The following SPTLC2 variants were observed in gnomAD, a reference collection of about 807,000 sequenced individuals.
SPTLC2 encodes serine palmitoyltransferase long chain base subunit 2.
SPTLC2 carries 21 observed loss-of-function variants against 62.0 expected under a neutral mutation model. The observed-to-expected ratio is 0.34, with a 90% CI of 0.24 to 0.49. The LOEUF is 0.49. Ranked by LOEUF, SPTLC2 falls within the 20% of genes least tolerant of loss-of-function variation. The pLI is 0.99. For missense variants in SPTLC2, 511 were observed against 713.0 expected (o/e 0.72, Z 3.23); for synonymous variants, 261 against 261.8 (o/e 1.00, Z 0.03).
intron 9 of SPTLC2, among the ~76,000 whole-genome samples, chr14:77,549,690 T>C (rs2079546266): frequency 6.6e-6 from 1 of 152,224 alleles, no homozygotes; most frequent in Non-Finnish European, 1.5e-5. Flanking sequence ...CATAATCAGA[T>C]GGCTGTTGTG....
Position 77,544,727 on chromosome 14 carries a change from C to T in SPTLC2, c.1303+7369G>A, listed in dbSNP as rs28709464. Among the ~76,000 whole-genome samples, 1,466 of 152,278 alleles carry T rather than the reference C, an allele frequency of 9.6e-3. 25 individuals carry two copies. Among genetic ancestry groups the T allele is most frequent in the African/African-American group, 0.033 (1,389 of 41,534 alleles). On this transcript the variant is annotated intron_variant, in intron 9 of 11. Transcript: ENST00000216484. ...CTTGAGTCAGGCTCCTCTTGGAGTC[C>T]TTTCTGATAAAGTCCTGACGTTGCG...
intron 5 of SPTLC2, among the ~76,000 whole-genome samples, chr14:77,564,236 G>GAA (rs3080470): frequency 0.48 from 53,180 of 110,562 alleles, 15,929 homozygotes; most frequent in East Asian, 0.85. Flanking sequence ...TGTCTGGGGG[G>GAA]AAAAAAAAAA....
At chr14:77,573,698 G>T (rs1319916143) in intron 4 of SPTLC2, among the ~76,000 whole-genome samples, 2 of 151,918 alleles carry the variant, frequency 1.3e-5, no homozygotes, top group Non-Finnish European at 2.9e-5. Flanking sequence ...TGTGATCTCG[G>T]CTCACTGCAA....
intron 2 of SPTLC2, among the ~76,000 whole-genome samples, chr14:77,585,808 C>A (rs1595005949): frequency 6.6e-6 from 1 of 152,306 alleles, no homozygotes. Context: ...TCACAGATTA[C>A]TTTTAAATGC....
At chr14:77,603,615 T>C (rs1016711595) in intron 1 of SPTLC2, among the ~76,000 whole-genome samples, 4 of 152,198 alleles carry the variant, frequency 2.6e-5, no homozygotes, top group African/African-American at 9.7e-5. Flanking sequence ...AATTCCTTAG[T>C]TTTTGTCAGT....
intron 2 of SPTLC2, among the ~76,000 whole-genome samples, chr14:77,580,896 A>C (rs1291443055): frequency 6.6e-6 from 1 of 152,218 alleles, no homozygotes; most frequent in Non-Finnish European, 1.5e-5. Flanking sequence ...ACATTCCCAA[A>C]ATGAATTCCT....
intron 2 of SPTLC2, among the ~76,000 whole-genome samples, chr14:77,593,346 T>C (rs1356968684): frequency 6.6e-6 from 1 of 152,208 alleles, no homozygotes; most frequent in Non-Finnish European, 1.5e-5. Flanking sequence ...TTTCATTATG[T>C]TGTGTCAGCT....
intron 9 of SPTLC2, among the ~76,000 whole-genome samples, chr14:77,541,026 T>G (rs1297594808): frequency 6.6e-6 from 1 of 151,496 alleles, no homozygotes; most frequent in Non-Finnish European, 1.5e-5. Flanking sequence ...TTTATTTATT[T>G]ATTTATTTAT....
At chr14:77,531,507 C>T (rs11849670) in intron 9 of SPTLC2, among the ~76,000 whole-genome samples, 29,140 of 65,206 alleles carry the variant, frequency 0.45, 7,577 homozygotes, top group Middle Eastern at 0.67. Context: ...CCTCCTCCTC[C>T]TCTTCTTCTT....
At chr14:77,606,587 T>C (rs2079906664) in intron 1 of SPTLC2, among the ~76,000 whole-genome samples, 1 of 152,142 alleles carries the variant, frequency 6.6e-6, no homozygotes, top group Non-Finnish European at 1.5e-5. Context: ...AAGTCTCTTC[T>C]AGGAATCCAA....
chr14:77,585,438 C>T (rs1048042513), intron 2 of SPTLC2, among the ~76,000 whole-genome samples: 13 of 152,152 alleles, frequency 8.5e-5, no homozygotes, highest in African/African-American at 3.1e-4. Context: ...AATGTCAGTT[C>T]TAATTTAATA....
rs1278719510 is a variant in SPTLC2 at position 77,507,240 on chromosome 14, G to A, written c.*5044C>T. On this transcript the variant is annotated 3_prime_UTR_variant, in exon 12 of 12. Transcript: ENST00000216484. ...TTAAAAGCAAAGGGATCATTGGCTA[G>A]CACTAGCATTTATTCTGTGTGATAG... 1 of 152,040 alleles carries A rather than the reference G, an allele frequency of 6.6e-6. No individual in the cohort carries two copies. The highest frequency in any genetic ancestry group is 1.5e-5 in the Non-Finnish European group (1 of 68,034). The allele number at this position is 152,040 out of a possible 1,614,324, so 9.4% of individuals were successfully genotyped here. A position where few individuals can be genotyped will look rare whatever the true frequency, so the allele number is the denominator to read the frequency against.
chr14:77,561,083 T>A lies in SPTLC2; in HGVS notation c.850+1313A>T, dbSNP rs1301558896. Reference sequence around the variant, plus strand: ...GCAATTTGGAAAAGTATTAAAAATGTATACTCTTTTAACCATGCATTCTGA... The same window carrying A: ...GCAATTTGGAAAAGTATTAAAAATGAATACTCTTTTAACCATGCATTCTGA... On this transcript the variant is annotated intron_variant, in intron 6 of 11. Coordinates refer to ENST00000216484, the MANE Select transcript of SPTLC2 (RefSeq NM_004863.4). 2.0e-5 allele frequency among the ~76,000 whole-genome samples: 3 copies of A among 151,968 alleles called. No homozygotes were observed. The East Asian group carries it at 5.8e-4, about 29-fold the overall frequency.
chr14:77,601,873 G>A (rs1044587283), intron 1 of SPTLC2, among the ~76,000 whole-genome samples: 7 of 151,914 alleles, frequency 4.6e-5, no homozygotes, highest in African/African-American at 1.2e-4. Flanking sequence ...CATTTTATCC[G>A]TGGACCCAAA....
chr14:77,532,796 TAAAAATAA>T (rs1356163995), intron 9 of SPTLC2, among the ~76,000 whole-genome samples: 2 of 126,636 alleles, frequency 1.6e-5, no homozygotes, highest in African/African-American at 5.3e-5. Flanking sequence ...AAAATAAAAA[TAAAAATAA>T]AAATAAATAA....
At chr14:77,534,609 G>GCACACACACACACA (rs1372865853) in intron 9 of SPTLC2, among the ~76,000 whole-genome samples, 4 of 9,262 alleles carry the variant, frequency 4.3e-4, no homozygotes, top group Non-Finnish European at 9.0e-4. Context: ...ACACACATAT[G>GCACACACACACACA]CTAAACATAG....
chr14:77,510,093 A>G lies in SPTLC2; in HGVS notation c.*2191T>C. The G allele has an allele frequency of 2.5e-6, 1 of 396,470 alleles. No homozygotes were observed. Among genetic ancestry groups the G allele is most frequent in the Non-Finnish European group, 4.4e-6 (1 of 225,228 alleles). The allele number at this position is 396,470 out of a possible 1,614,324, so 24.6% of individuals were successfully genotyped here. A position where few individuals can be genotyped will look rare whatever the true frequency, so the allele number is the denominator to read the frequency against. ...TATGGTAGGAAACTAGATGTGCAGA[A>G]AAGGTTGACAATGTATTTGATTTTA... On this transcript the variant is annotated 3_prime_UTR_variant, in exon 12 of 12. Transcript: ENST00000216484.
intron 9 of SPTLC2, among the ~76,000 whole-genome samples, chr14:77,546,021 A>C (rs1292039245): frequency 6.6e-6 from 1 of 152,238 alleles, no homozygotes; most frequent in South Asian, 2.1e-4. Flanking sequence ...TGCCCAAAAG[A>C]GCTTTCATTT....
rs570015182 is a variant in SPTLC2 at position 77,601,890 on chromosome 14, G to A, written c.133-4510C>T. On this transcript the variant is annotated intron_variant, in intron 1 of 11. Transcript: ENST00000216484. ...TTTTATCCGTGGACCCAAAACTCCG[G>A]TGCCGGTCACGGACTCGGGAAGGCA... Among the ~76,000 whole-genome samples the A allele has an allele frequency of 2.0e-5, 3 of 152,240 alleles. No homozygotes were observed. The South Asian group carries it at 6.2e-4, about 32-fold the overall frequency.
Sources: allele counts gnomAD v4.1 joint callset (sites outside exome capture counted in the v4.1 genomes callset), GRCh38; gene constraint gnomAD v4.1.1; transcripts MANE v1.5; gene names NCBI Gene and HGNC (gene_info 2026-07-23, HGNC 2026-07-21).